The following TRAPPC9 variants were observed in gnomAD, a reference collection of about 807,000 sequenced individuals.
TRAPPC9 encodes IKK2 binding protein.
A neutral mutation model predicts 124.0 loss-of-function variants in TRAPPC9; 83 were observed. The ratio of observed to expected loss-of-function variants is 0.67; its 90% CI spans 0.56 to 0.80. The LOEUF (loss-of-function observed/expected upper bound fraction) is 0.80, where lower values mean the gene tolerates loss of function less well. TRAPPC9 is among the 30% of genes least tolerant of loss of function. The probability of loss-of-function intolerance (pLI) is 0.00; values close to 1 mark genes in which losing one functional copy is unlikely to be tolerated. For synonymous variants in TRAPPC9, 638 were observed against 617.5 expected, an observed-to-expected ratio of 1.03 and a Z score of -0.49; for missense variants, 1,302 against 1,508.3, an observed-to-expected ratio of 0.86 and a Z score of 2.27.
intron 6 of TRAPPC9, among the ~76,000 whole-genome samples, chr8:140,399,960 G>A (rs2069212350): frequency 1.3e-5 from 2 of 152,184 alleles, no homozygotes; most frequent in East Asian, 3.8e-4. Flanking sequence ...CCCCCATACT[G>A]TTCTTGTGGT....
chr8:140,044,278 AAAAAAAAAAAG>A (rs1459283213), intron 17 of TRAPPC9, among the ~76,000 whole-genome samples: 15 of 150,678 alleles, frequency 1.0e-4, no homozygotes, highest in Admixed American at 1.3e-4. Context: ...ACGACCAAAA[AAAAAAAAAAAG>A]AAAAATCACA....
chr8:140,372,202 C>T lies in TRAPPC9; in HGVS notation c.1135-1022G>A, dbSNP rs534690662. Among the ~76,000 whole-genome samples, 51 of 152,230 alleles carry T rather than the reference C, an allele frequency of 3.4e-4. 1 individual carries two copies. Among genetic ancestry groups the T allele is most frequent in the Non-Finnish European group, 1.0e-4 (7 of 68,050 alleles). The stretch of plus-strand genomic sequence containing the variant: ...GGCCTGGGCCCTGCCCACTGCACAG[C>T]GCCTTCAGAGAAGAAGGAAGGCAGA... On this transcript the variant is annotated intron_variant, in intron 7 of 22. Coordinates refer to ENST00000438773, the MANE Select transcript of TRAPPC9 (RefSeq NM_001160372.4).
chr8:140,192,459 G>T (rs959441372), intron 17 of TRAPPC9, among the ~76,000 whole-genome samples: 3 of 152,204 alleles, frequency 2.0e-5, no homozygotes, highest in African/African-American at 7.2e-5. Context: ...GTGATCTGCA[G>T]AAACCTCCTG....
At chr8:139,817,169 G>A (rs754350098) in intron 21 of TRAPPC9, among the ~76,000 whole-genome samples, 19 of 152,048 alleles carry the variant, frequency 1.2e-4, no homozygotes, top group Non-Finnish European at 1.9e-4. Context: ...TGCCTTGCAG[G>A]GGCCGCTGGA....
At chr8:140,345,894 G>A (rs928599581) in intron 9 of TRAPPC9, among the ~76,000 whole-genome samples, 3 of 152,200 alleles carry the variant, frequency 2.0e-5, no homozygotes, top group Non-Finnish European at 4.4e-5. Flanking sequence ...GGCCTGGGCC[G>A]CTGACAGAAT....
chr8:140,253,011 G>T, intron 15 of TRAPPC9, 82 bp from the exon 16 acceptor site: 1 of 1,393,416 alleles, frequency 7.2e-7, no homozygotes, highest in East Asian at 2.3e-5. Flanking sequence ...AAATTCTGAT[G>T]CATTCTCAAA....
chr8:140,252,980 G>T lies in TRAPPC9; in HGVS notation c.2279-51C>A. 1 of 1,581,098 alleles carries T rather than the reference G, an allele frequency of 6.3e-7. No individual in the cohort carries two copies. ...GAGGATGCTGTAACTGAGGCAGTAT[G>T]GGACTTACCAATCCCCTAGAAAATT... On this transcript the variant is annotated intron_variant, in intron 15 of 22. Transcript: ENST00000438773. This position sits in a 1 kb window ranked among gnomAD's most constrained non-coding sequence, Gnocchi z 4.2.
chr8:140,127,781 C>G (rs1458400428), intron 17 of TRAPPC9, among the ~76,000 whole-genome samples: 1 of 152,216 alleles, frequency 6.6e-6, no homozygotes, highest in Non-Finnish European at 1.5e-5. Context: ...CAGAAACTAG[C>G]ATGAGACTAA....
intron 19 of TRAPPC9, among the ~76,000 whole-genome samples, chr8:139,957,250 G>A (rs1835049787): frequency 6.6e-6 from 1 of 152,248 alleles, no homozygotes; most frequent in South Asian, 2.1e-4. Flanking sequence ...TGAGCAGGGA[G>A]GGCCGCGTAC....
intron 5 of TRAPPC9, among the ~76,000 whole-genome samples, chr8:140,420,653 G>A (rs13277759): frequency 6.6e-6 from 1 of 151,222 alleles, no homozygotes; most frequent in Admixed American, 6.6e-5. Flanking sequence ...GTGCAGGTTT[G>A]TTACATGTAT....
chr8:140,413,412 A>C (rs2069779257), intron 5 of TRAPPC9, among the ~76,000 whole-genome samples: 2 of 152,132 alleles, frequency 1.3e-5, no homozygotes, highest in Non-Finnish European at 2.9e-5. Context: ...AAATAAATAA[A>C]TAGTCATCAT....
At chr8:139,796,418 A>G (rs1010194512) in intron 21 of TRAPPC9, among the ~76,000 whole-genome samples, 2 of 152,154 alleles carry the variant, frequency 1.3e-5, no homozygotes, top group South Asian at 2.1e-4. Context: ...ACGCCTCCCC[A>G]TCCCCACCAG....
Position 140,282,210 on chromosome 8 carries a change from A to C in TRAPPC9, c.2114+1679T>G, listed in dbSNP as rs559452939. On this transcript the variant is annotated intron_variant, in intron 14 of 22. Transcript: ENST00000438773. ...ATTAAGTGTTATTCGTAAGTGCAAA[A>C]ATTAAGAACAGGCTGGATGTGGTAG... Among the ~76,000 whole-genome samples, 14 of 152,314 alleles carry C rather than the reference A, an allele frequency of 9.2e-5. No homozygotes were observed. The East Asian group carries it at 2.7e-3, about 29-fold the overall frequency.
intron 19 of TRAPPC9, among the ~76,000 whole-genome samples, chr8:139,983,819 G>C (rs186432635): frequency 6.6e-6 from 1 of 152,148 alleles, no homozygotes; most frequent in Non-Finnish European, 1.5e-5. Flanking sequence ...TCTCCCCTTG[G>C]TGTGTGGAGC....
At chr8:140,120,326 C>T (rs574546194) in intron 17 of TRAPPC9, among the ~76,000 whole-genome samples, 24 of 152,308 alleles carry the variant, frequency 1.6e-4, no homozygotes, top group Middle Eastern at 3.4e-3. Context: ...ATGAATGAGG[C>T]GGGTGCTCTT....
chr8:140,241,124 T>C lies in TRAPPC9; in HGVS notation c.2431+11653A>G, dbSNP rs1416964528. Among the ~76,000 whole-genome samples the C allele has an allele frequency of 1.3e-5, 2 of 152,050 alleles. No homozygotes were observed. The highest frequency in any genetic ancestry group is 4.8e-5 in the African/African-American group (2 of 41,398). On this transcript the variant is annotated intron_variant, in intron 16 of 22. Coordinates refer to ENST00000438773, the MANE Select transcript of TRAPPC9 (RefSeq NM_001160372.4). This position sits in a 1 kb window ranked among gnomAD's most constrained non-coding sequence, Gnocchi z 5.0. ...CTGTTCAAAGACCATTCAGGCCGGG[T>C]GTGGTGGCTCACACCTGTAATTCCA...
At chr8:140,250,157 G>A (rs569906928) in intron 16 of TRAPPC9, among the ~76,000 whole-genome samples, 7 of 152,154 alleles carry the variant, frequency 4.6e-5, no homozygotes, top group African/African-American at 1.2e-4. Context: ...TCCCACTTGC[G>A]TTTATAAAAT....
At chr8:140,448,679 GGCAGGTGGCCGCCAA>G (rs2071351870) in intron 2 of TRAPPC9, among the ~76,000 whole-genome samples, 1 of 152,224 alleles carries the variant, frequency 6.6e-6, no homozygotes, top group African/African-American at 2.4e-5. Flanking sequence ...CTGCCGACCT[GGCAGGTGGCCGCCAA>G]GCTGTGCACA....
chr8:139,781,628 G>C (rs1586829038), intron 21 of TRAPPC9, among the ~76,000 whole-genome samples: 1 of 152,332 alleles, frequency 6.6e-6, no homozygotes, highest in East Asian at 1.9e-4. Flanking sequence ...AACTTCGGTT[G>C]ATATTGATGT....
Sources: allele counts gnomAD v4.1 joint callset (sites outside exome capture counted in the v4.1 genomes callset), GRCh38; gene constraint gnomAD v4.1.1; non-coding constraint Gnocchi (gnomAD v3.1); transcripts MANE v1.5; gene names NCBI Gene and HGNC (gene_info 2026-07-23, HGNC 2026-07-21).